The following SHPK variants were observed in gnomAD, a reference collection of about 807,000 sequenced individuals.
SHPK encodes carbohydrate kinase-like protein.
In SHPK, 51 loss-of-function variants were observed where a neutral mutation model predicts 46.3. The observed-to-expected ratio is 1.10, with a 90% CI of 0.88 to 1.39. SHPK has a LOEUF of 1.39. Among genes scored for constraint, SHPK ranks in the 40% most tolerant of loss-of-function variants. SHPK has a pLI of 0.00. For synonymous variants in SHPK, 290 were observed against 273.9 expected (o/e 1.06, Z -0.58); for missense variants, 668 against 641.3 (o/e 1.04, Z -0.45).
chr17:3,618,659 A>G (rs1010780704), intron 5 of SHPK, among the ~76,000 whole-genome samples: 1 of 152,098 alleles, frequency 6.6e-6, no homozygotes, highest in African/African-American at 2.4e-5. Context: ...GTGCGCCTGT[A>G]GTCTCAGCTA....
intron 1 of SHPK, among the ~76,000 whole-genome samples, chr17:3,633,201 G>A (rs1279378191): frequency 6.6e-6 from 1 of 151,484 alleles, no homozygotes; most frequent in Admixed American, 6.6e-5. Flanking sequence ...GGCTGGTCTC[G>A]AACTCCTGAC....
intron 1 of SHPK, among the ~76,000 whole-genome samples, chr17:3,633,694 A>T (rs1196396405): frequency 6.6e-6 from 1 of 152,074 alleles, no homozygotes; most frequent in Non-Finnish European, 1.5e-5. Context: ...AGTTTTCAAG[A>T]AGTGGCCGTG....
chr17:3,619,188 A>G (rs1305207734), intron 5 of SHPK: 3 of 447,064 alleles, frequency 6.7e-6, no homozygotes, highest in Non-Finnish European at 1.2e-5. Flanking sequence ...TTGTTCACGT[A>G]AATTGCCTTC....
chr17:3,621,278 T>A lies in SHPK; in HGVS notation c.782A>T (p.Gln261Leu). The change falls in exon 5 of 7, where the codon CAG becomes CTG. Residue 261 changes from glutamine (Q) to leucine (L), a missense_variant. Physicochemically the swap from Gln to Leu is moderately radical, Grantham distance 113. Coordinates refer to ENST00000225519, the MANE Select transcript of SHPK (RefSeq NM_013276.4). ...TQVGVALGDL[Q>L]ASVYSCMAQR... ...GGCCATGCAGGAATAGACAGAGGCC[T>A]GTAAATCACCCAAGGCCACTCCCAC... 6.2e-7 allele frequency: 1 copy of A among 1,614,000 alleles called. No homozygotes were observed. Among genetic ancestry groups the A allele is most frequent in the Non-Finnish European group, 8.5e-7 (1 of 1,179,962 alleles).
chr17:3,617,236 C>T (rs1437054626), intron 5 of SHPK, among the ~76,000 whole-genome samples: 2 of 152,098 alleles, frequency 1.3e-5, no homozygotes, highest in Non-Finnish European at 2.9e-5. Context: ...TCACGATGAC[C>T]TCTGGGAGCA....
rs2075333370 is a variant in SHPK at position 3,610,736 on chromosome 17, C to G, written c.1261G>C (p.Glu421Gln). The change falls in exon 7 of 7, where the codon GAG (glutamate) becomes CAG (glutamine). Residue 421 changes from glutamate to glutamine, a missense_variant. Glu to Gln is a conservative substitution (Grantham distance 29, BLOSUM62 2). Transcript: ENST00000225519. ...HSMLPIQQLQEWGVERVMGSG... is the reference protein window; with the variant it reads ...HSMLPIQQLQQWGVERVMGSG... ...CCCATCACCCTCTCCACGCCCCACT[C>G]CTGGAGCTGCTGAATCGGAAGCATG... 1 of 1,614,148 alleles carries G rather than the reference C, an allele frequency of 6.2e-7. No individual in the cohort carries two copies.
At position 3,622,698 on chromosome 17, in the gene SHPK, T is replaced by C. The variant is rs1459103545; in HGVS notation, c.647+641A>G. ...ATCCTTCAAGCCTACTATCTCTAGT[T>C]CTTTTTTCTTTTTTTTTTTTTTTGA... is the stretch of plus-strand genomic sequence containing the variant. On this transcript the variant is annotated intron_variant, in intron 4 of 6. Coordinates refer to ENST00000225519, the MANE Select transcript of SHPK (RefSeq NM_013276.4). The C allele has an allele frequency of 9.9e-6, 4 of 402,652 alleles. No homozygotes were observed. The Admixed American group carries it at 4.2e-4, about 42-fold the overall frequency. 24.9% of individuals were successfully genotyped at this position (402,652 alleles called of 1,614,324 possible).
chr17:3,629,209 C>T (rs891944797), intron 2 of SHPK, among the ~76,000 whole-genome samples: 1 of 152,174 alleles, frequency 6.6e-6, no homozygotes, highest in Admixed American at 6.5e-5. Flanking sequence ...CTCTCATCCA[C>T]ACAATGGGGA....
chr17:3,611,798 GTTT>G (rs570066157), intron 6 of SHPK, among the ~76,000 whole-genome samples: 2,125 of 92,158 alleles, frequency 0.023, 16 homozygotes, highest in Non-Finnish European at 0.033. Flanking sequence ...AGCTCTGCGG[GTTT>G]TTTTTTTTTT....
Position 3,613,302 on chromosome 17 carries a change from C to T in SHPK, c.1024+2035G>A, listed in dbSNP as rs1356271297. 2.1e-5 allele frequency among the ~76,000 whole-genome samples: 3 copies of T among 145,972 alleles called. No homozygotes were observed. The East Asian group carries it at 5.8e-4, about 28-fold the overall frequency. ...CATTTCTGGGCGTGGGACCAGGATG[C>T]AACGATGTTTTTAAACTCCACAGTA... On this transcript the variant is annotated intron_variant, in intron 6 of 6. Transcript: ENST00000225519.
At chr17:3,613,674 A>AT (rs1457979689) in intron 6 of SHPK, among the ~76,000 whole-genome samples, 1 of 151,958 alleles carries the variant, frequency 6.6e-6, no homozygotes, top group Non-Finnish European at 1.5e-5. Flanking sequence ...TGGCTATTTT[A>AT]TTTTTTAAAT....
chr17:3,635,344 T>C (rs2150878535), intron 1 of SHPK, among the ~76,000 whole-genome samples: 1 of 151,896 alleles, frequency 6.6e-6, no homozygotes, highest in South Asian at 2.1e-4. Context: ...CGCGCCATTC[T>C]CCTGCCTCAG....
At chr17:3,635,945 G>A (rs2075520783) in intron 1 of SHPK, 107 bp downstream of exon 1, 2 of 1,148,086 alleles carry the variant, frequency 1.7e-6, no homozygotes, top group Non-Finnish European at 2.4e-6. Flanking sequence ...GGGACAAGCT[G>A]GAATAGAGAC....
In SHPK at chr17:3,624,114, G is replaced by A. The variant is rs201999400; in HGVS notation, c.428C>T (p.Pro143Leu). 2.0e-5 allele frequency: 33 copies of A among 1,614,144 alleles called. No individual in the cohort carries two copies. The highest frequency in any genetic ancestry group is 1.2e-4 in the Admixed American group (7 of 60,022). Residue 143 changes from proline to leucine, a missense_variant, in exon 3 of 7, where the codon CCG becomes CTG. Coordinates refer to ENST00000225519, the MANE Select transcript of SHPK (RefSeq NM_013276.4). The part of the protein sequence containing the change: ...SSEFLASLPQ[P>L]KSHLSVATGF... ...CGTGGCCACACTGAGATGAGACTTC[G>A]GCTGGGGCAGAGAGGCCAGGAATTC...
In SHPK at chr17:3,636,127, C is replaced by G; in HGVS notation, c.93G>C (p.Gly31=). ...LLRAAPDDPS[G]FAVLASCARA... ...GGGCACAGCTCGCCAGCACTGCGAACCCGGATGGGTCGTCGGGCGCGGCCC... is the reference window on the plus strand; with the variant it reads ...GGGCACAGCTCGCCAGCACTGCGAAGCCGGATGGGTCGTCGGGCGCGGCCC... Residue 31 remains glycine (G), a synonymous_variant, in exon 1 of 7, where the codon GGG becomes GGC. Coordinates refer to ENST00000225519, the MANE Select transcript of SHPK (RefSeq NM_013276.4). 1 of 1,611,070 alleles carries G rather than the reference C, an allele frequency of 6.2e-7. No homozygotes were observed. Among genetic ancestry groups the G allele is most frequent in the Non-Finnish European group, 8.5e-7 (1 of 1,178,746 alleles).
intron 1 of SHPK, among the ~76,000 whole-genome samples, chr17:3,632,686 A>G (rs766477839): frequency 6.6e-6 from 1 of 152,124 alleles, no homozygotes; most frequent in Non-Finnish European, 1.5e-5. Flanking sequence ...GTTGGTCTAC[A>G]TCCACGTCGA....
At chr17:3,629,728 TAAAAA>T (rs59844560) in intron 2 of SHPK, among the ~76,000 whole-genome samples, 1 of 121,674 alleles carries the variant, frequency 8.2e-6, no homozygotes, top group Admixed American at 8.6e-5. Flanking sequence ...AACTCCACCT[TAAAAA>T]AAAAAAAAAA....
chr17:3,624,080 G>A lies in SHPK; in HGVS notation c.462C>T (p.Gly154=), dbSNP rs1294381070. 1 of 1,612,978 alleles carries A rather than the reference G, an allele frequency of 6.2e-7. No homozygotes were observed. Among genetic ancestry groups the A allele is most frequent in the Non-Finnish European group, 8.5e-7 (1 of 1,179,048 alleles). The change falls in exon 3 of 7, where the codon GGC becomes GGT. Residue 154 remains glycine (G), a synonymous_variant. Coordinates refer to ENST00000225519, the MANE Select transcript of SHPK (RefSeq NM_013276.4). ...KSHLSVATGF[G]CATIFWLLKY... ...TCAAAAGCCAGAAGATGGTTGCACAGCCGAAGCCCGTGGCCACACTGAGAT... is the reference window on the plus strand; with the variant it reads ...TCAAAAGCCAGAAGATGGTTGCACAACCGAAGCCCGTGGCCACACTGAGAT...
At position 3,624,110 on chromosome 17, in the gene SHPK, C is replaced by CTT; in HGVS notation, c.430_431dup (p.His146LeufsTer18). On this transcript the variant is annotated frameshift_variant, in exon 3 of 7. Coordinates refer to ENST00000225519, the MANE Select transcript of SHPK (RefSeq NM_013276.4). LOFTEE classifies it high-confidence loss of function. ...AGCCCGTGGCCACACTGAGATGAGA[C>CTT]TTCGGCTGGGGCAGAGAGGCCAGGA... is the stretch of plus-strand genomic sequence containing the variant. 6.2e-7 allele frequency: 1 copy of CTT among 1,614,178 alleles called. No homozygotes were observed. Among genetic ancestry groups the CTT allele is most frequent in the Non-Finnish European group, 8.5e-7 (1 of 1,179,990 alleles).
Sources: gnomAD v4.1 joint callset for allele counts (sites outside exome capture counted in the v4.1 genomes callset) on GRCh38, gnomAD v4.1.1 for gene constraint, MANE v1.5 for transcripts, NCBI Gene and HGNC (gene_info 2026-07-23, HGNC 2026-07-21) for gene names.